UNC5A: variants seen among roughly 807,000 people sequenced by gnomAD.
UNC5A encodes unc-5 netrin receptor A.
Under a neutral mutation model 87.4 loss-of-function variants are expected in UNC5A, and 20 were observed. The ratio of observed to expected loss-of-function variants is 0.23; its 90% CI spans 0.16 to 0.33. The LOEUF is 0.33. Among genes scored for constraint, UNC5A ranks in the 10% least tolerant of loss-of-function variants. UNC5A has a pLI of 1.00. For missense variants in UNC5A, 844 were observed against 1,133.4 expected, an observed-to-expected ratio of 0.74 and a Z score of 3.67; for synonymous variants, 438 against 482.3, an observed-to-expected ratio of 0.91 and a Z score of 1.20.
intron 1 of UNC5A, among the ~76,000 whole-genome samples, chr5:176,837,004 G>A (rs184443934): frequency 2.0e-5 from 3 of 152,292 alleles, no homozygotes; most frequent in African/African-American, 4.8e-5. Context: ...CTGATACCCC[G>A]TCTCTGTGTA....
rs1422521796 is a variant in UNC5A at position 176,829,173 on chromosome 5, G to A, written c.70+18353G>A. Among the ~76,000 whole-genome samples the A allele has an allele frequency of 1.2e-4, 3 of 24,502 alleles. No homozygotes were observed. The Non-Finnish European group carries it at 1.6e-3, about 13-fold the overall frequency. 16.1% of individuals were successfully genotyped at this position (24,502 alleles called of 152,430 possible). On this transcript the variant is annotated intron_variant, in intron 1 of 14. Transcript: ENST00000329542. ...AGAAAGAAAGATGGATGGATGGATG[G>A]ATGGATGGATGGATGGATGGATGGA...
In UNC5A at chr5:176,866,812, G is replaced by A. The variant is rs539743847; in HGVS notation, c.293-1318G>A. 1.3e-5 allele frequency among the ~76,000 whole-genome samples: 2 copies of A among 152,256 alleles called. No individual in the cohort carries two copies. Among genetic ancestry groups the A allele is most frequent in the African/African-American group, 4.8e-5 (2 of 41,560 alleles). On this transcript the variant is annotated intron_variant, in intron 2 of 14. Coordinates refer to ENST00000329542, the MANE Select transcript of UNC5A (RefSeq NM_133369.3). This position sits in a 1 kb window ranked among gnomAD's most constrained non-coding sequence, Gnocchi z 5.0. ...CCCCCTGAGAGTGTCCACACTGGGT[G>A]TCTTAGAGAACGGGGCAGGTGGTGC...
chr5:176,822,230 C>G (rs910122933), intron 1 of UNC5A, among the ~76,000 whole-genome samples: 4 of 152,210 alleles, frequency 2.6e-5, no homozygotes, highest in African/African-American at 7.2e-5. Flanking sequence ...GCCCGCGGGG[C>G]GGGGGATGCT....
chr5:176,876,538 C>T (rs1758265564), intron 8 of UNC5A, among the ~76,000 whole-genome samples: 2 of 152,176 alleles, frequency 1.3e-5, no homozygotes, highest in Non-Finnish European at 2.9e-5. Flanking sequence ...CCTGTTGAAC[C>T]ACTCCCCTCT....
intron 1 of UNC5A, among the ~76,000 whole-genome samples, chr5:176,819,106 C>T (rs1164613147): frequency 6.6e-6 from 1 of 152,190 alleles, no homozygotes; most frequent in East Asian, 1.9e-4. Context: ...TTGGTTAAGA[C>T]AGGGCTCCCA....
At position 176,868,646 on chromosome 5, in the gene UNC5A, G is replaced by C; in HGVS notation, c.522G>C (p.Glu174Asp). Residue 174 changes from glutamate (E) to aspartate (D), a missense_variant, in exon 4 of 15, where the codon GAG becomes GAC. By Grantham distance (45) the Glu-to-Asp change is conservative. Around this residue, in one of 3 missense-constraint regions of UNC5A, gnomAD observed 314 missense variants for 466.5 expected, o/e 0.67. Transcript: ENST00000329542. ...QGIVLPCRPP[E>D]GIPPAEVEWL... ...TCGTGCTGCCCTGCCGTCCACCGGA[G>C]GGCATCCCTCCAGCCGAGGTGAGGG... The C allele has an allele frequency of 6.2e-7, 1 of 1,604,652 alleles. No individual in the cohort carries two copies. The highest frequency in any genetic ancestry group is 1.3e-5 in the African/African-American group (1 of 74,924).
At chr5:176,854,783 GA>G (rs1424024341) in intron 1 of UNC5A, among the ~76,000 whole-genome samples, 2 of 152,236 alleles carry the variant, frequency 1.3e-5, no homozygotes, top group Non-Finnish European at 2.9e-5. Flanking sequence ...AGGCTGTGGG[GA>G]TGGGTGGTCC....
chr5:176,862,728 A>T lies in UNC5A; in HGVS notation c.175A>T (p.Lys59Ter). The T allele has an allele frequency of 6.2e-7, 1 of 1,613,544 alleles. No individual in the cohort carries two copies. Among genetic ancestry groups the T allele is most frequent in the Non-Finnish European group, 8.5e-7 (1 of 1,179,960 alleles). Residue 59 changes from lysine to a stop codon, truncating the protein, a stop_gained, in exon 2 of 15, where the codon AAG (lysine) becomes TAG (stop). Coordinates refer to ENST00000329542, the MANE Select transcript of UNC5A (RefSeq NM_133369.3). LOFTEE classifies it high-confidence loss of function. ...EPEDVYIVKNKPVLLVCKAVP... is the reference protein window; with the variant it reads ...EPEDVYIVKN ...CGAGGATGTGTACATCGTCAAGAACAAGCCAGTGCTGCTTGTGTGCAAGGC... is the reference window on the plus strand; with the variant it reads ...CGAGGATGTGTACATCGTCAAGAACTAGCCAGTGCTGCTTGTGTGCAAGGC...
chr5:176,846,613 A>T (rs1379170392), intron 1 of UNC5A, among the ~76,000 whole-genome samples: 1 of 151,204 alleles, frequency 6.6e-6, no homozygotes, highest in Non-Finnish European at 1.5e-5. Context: ...CTGAACTCTG[A>T]CTTTGGGCGG....
At chr5:176,823,175 T>TG (rs137867111) in intron 1 of UNC5A, among the ~76,000 whole-genome samples, 2 of 26,838 alleles carry the variant, frequency 7.5e-5, no homozygotes, top group African/African-American at 1.4e-4. Context: ...ATGCTGCATG[T>TG]GGGGGGGCGA....
At chr5:176,878,825 G>A (rs1358439792) in intron 13 of UNC5A, among the ~76,000 whole-genome samples, 186 bp downstream of exon 13, 3 of 152,176 alleles carry the variant, frequency 2.0e-5, no homozygotes, top group Non-Finnish European at 4.4e-5. Context: ...AGGCACAGGT[G>A]CAAATGGGAC....
intron 1 of UNC5A, among the ~76,000 whole-genome samples, chr5:176,826,800 C>G (rs1324128767): frequency 1.3e-5 from 2 of 152,018 alleles, no homozygotes; most frequent in African/African-American, 4.8e-5. Flanking sequence ...GCCACCATGC[C>G]CAGCTATTTT....
At chr5:176,823,048 G>T (rs949985421) in intron 1 of UNC5A, among the ~76,000 whole-genome samples, 10 of 152,100 alleles carry the variant, frequency 6.6e-5, no homozygotes, top group Admixed American at 6.5e-4. Flanking sequence ...GGAGGCTGCC[G>T]TGGTCATCCA....
At chr5:176,854,833 A>G (rs1284920432) in intron 1 of UNC5A, among the ~76,000 whole-genome samples, 5 of 152,234 alleles carry the variant, frequency 3.3e-5, no homozygotes, top group Non-Finnish European at 1.5e-5. Flanking sequence ...GGGAAGACAC[A>G]TGCATAAATG....
intron 1 of UNC5A, among the ~76,000 whole-genome samples, chr5:176,840,213 G>A (rs974581845): frequency 1.3e-5 from 2 of 152,280 alleles, no homozygotes; most frequent in African/African-American, 2.4e-5. Context: ...CAGGTTGTGG[G>A]GACTAGGACG....
intron 1 of UNC5A, among the ~76,000 whole-genome samples, chr5:176,840,883 C>A (rs949792877): frequency 2.6e-5 from 4 of 152,218 alleles, no homozygotes; most frequent in African/African-American, 9.6e-5. Flanking sequence ...TGTTATGGGT[C>A]CCCCCACAAC....
intron 1 of UNC5A, among the ~76,000 whole-genome samples, chr5:176,831,422 G>A (rs749887497): frequency 9.9e-5 from 15 of 152,268 alleles, no homozygotes; most frequent in Non-Finnish European, 1.5e-4. Flanking sequence ...CCAACACAGC[G>A]GGGATACTGG....
rs1303952424 is a variant in UNC5A at position 176,875,955 on chromosome 5, T to A, written c.1379-1237T>A. ...GTTGGGATGACGAGGTGAGACGGCATCTGTCAGCTCTTACAGAGACGCAGG... is the reference window on the plus strand; with the variant it reads ...GTTGGGATGACGAGGTGAGACGGCAACTGTCAGCTCTTACAGAGACGCAGG... On this transcript the variant is annotated intron_variant, in intron 8 of 14. Transcript: ENST00000329542. The surrounding 1 kb of genome is among the most constrained non-coding windows in gnomAD (Gnocchi z 5.2). 6.6e-6 allele frequency among the ~76,000 whole-genome samples: 1 copy of A among 152,216 alleles called. No individual in the cohort carries two copies. The highest frequency in any genetic ancestry group is 6.5e-5 in the Admixed American group (1 of 15,282).
Position 176,841,922 on chromosome 5 carries a change from G to T in UNC5A, c.71-20702G>T, listed in dbSNP as rs542561019. Among the ~76,000 whole-genome samples the T allele has an allele frequency of 6.6e-6, 1 of 152,378 alleles. No individual in the cohort carries two copies. The highest frequency in any genetic ancestry group is 1.9e-4 in the East Asian group (1 of 5,190). ...GCCATAATCAAAAAATCAAGGCCGGGTGCGGTGGCTCACGCCGGTAATCCC... is the reference window on the plus strand; with the variant it reads ...GCCATAATCAAAAAATCAAGGCCGGTTGCGGTGGCTCACGCCGGTAATCCC... On this transcript the variant is annotated intron_variant, in intron 1 of 14. Transcript: ENST00000329542. This position sits in a 1 kb window ranked among gnomAD's most constrained non-coding sequence, Gnocchi z 4.1.
Sources: gnomAD v4.1 joint callset for allele counts (sites outside exome capture counted in the v4.1 genomes callset) on GRCh38, gnomAD v4.1.1 for gene constraint, gnomAD v4.1.1 regional missense constraint, Gnocchi (gnomAD v3.1) non-coding constraint, MANE v1.5 for transcripts, NCBI Gene and HGNC (gene_info 2026-07-23, HGNC 2026-07-21) for gene names.